The following IRX2 variants were observed in gnomAD, a reference collection of about 807,000 sequenced individuals.
IRX2 encodes the protein iroquois homeobox 2.
In IRX2, 26 loss-of-function variants were observed where a neutral mutation model predicts 42.9. The ratio of observed to expected loss-of-function variants is 0.61; its 90% CI spans 0.44 to 0.84. The LOEUF is 0.84. Ranked by LOEUF, IRX2 falls within the 40% of genes least tolerant of loss-of-function variation. The pLI is 0.00. For missense variants in IRX2, 782 were observed against 713.9 expected (o/e 1.10, Z -1.09); for synonymous variants, 424 against 353.9 (o/e 1.20, Z -2.22).
chr5:2,745,043 G>A (rs188249937), downstream of IRX2, among the ~76,000 whole-genome samples: 4 of 152,262 alleles, frequency 2.6e-5, no homozygotes, highest in African/African-American at 9.6e-5. Context: ...ATATCAACTG[G>A]TCCAGCAATT....
rs752135734 is a variant in IRX2 at position 2,748,966 on chromosome 5, G to A, written c.742C>T (p.Pro248Ser). The stretch of plus-strand genomic sequence containing the variant: ...CACTCCGAGCCCGATTCGCACAGGG[G>A]GTCCCCGGCGCGGCACGGAAGCTTC... ...GEKLPCRAGD[P>S]LCESGSECKD... is the part of the protein sequence containing the mutation. The change falls in exon 3 of 4, where the codon CCC (proline) becomes TCC (serine). Residue 248 changes from proline (P) to serine (S), a missense_variant. Around this residue, in one of 3 missense-constraint regions of IRX2, gnomAD observed 520 missense variants for 437.8 expected, o/e 1.19. Coordinates refer to ENST00000302057, the MANE Select transcript of IRX2 (RefSeq NM_033267.5). The A allele has an allele frequency of 2.9e-5, 47 of 1,597,166 alleles. No homozygotes were observed. Among genetic ancestry groups the A allele is most frequent in the Non-Finnish European group, 3.7e-5 (44 of 1,179,434 alleles).
chr5:2,735,929 G>A, the IRX2 span, among the ~76,000 whole-genome samples: 29 of 152,278 alleles, frequency 1.9e-4, no homozygotes, highest in Admixed American at 5.9e-4. Flanking sequence ...TTAAAATGAA[G>A]TAGAAATTGG....
chr5:2,749,403 C>G lies in IRX2; in HGVS notation c.634G>C (p.Glu212Gln), dbSNP rs769385689. Residue 212 changes from glutamate (E) to glutamine (Q), a missense_variant, in exon 2 of 4, where the codon GAG becomes CAG. Physicochemically the swap from Glu to Gln is conservative, Grantham distance 29. This residue lies in a region of IRX2 where 520 missense variants were observed against 437.8 expected (regional missense o/e 1.19). Coordinates refer to ENST00000302057, the MANE Select transcript of IRX2 (RefSeq NM_033267.5). The part of the protein sequence containing the change: ...ESPDKAQEGT[E>Q]TSAEDEGISL... ...TCACCTTCGTCCTCTGCCGAGGTCT[C>G]CGTGCCCTCCTGCGCCTTGTCGGGA... 16 of 1,612,644 alleles carry G rather than the reference C, an allele frequency of 9.9e-6. No homozygotes were observed. The South Asian group carries it at 1.6e-4, about 17-fold the overall frequency.
chr5:2,745,433 G>T (rs144101373), downstream of IRX2, among the ~76,000 whole-genome samples: 33 of 152,140 alleles, frequency 2.2e-4, no homozygotes, highest in Middle Eastern at 6.8e-3. Context: ...AAAGTGACAG[G>T]CTTGCTACTT....
the IRX2 span, among the ~76,000 whole-genome samples, chr5:2,739,883 T>C: frequency 1.3e-5 from 2 of 151,998 alleles, no homozygotes; most frequent in African/African-American, 4.8e-5. Context: ...AGGAACCCGA[T>C]GGGTCCCGCT....
chr5:2,741,904 A>C (rs142280571), downstream of IRX2, among the ~76,000 whole-genome samples: 651 of 152,362 alleles, frequency 4.3e-3, 5 homozygotes, highest in African/African-American at 0.015. Flanking sequence ...AACAAACAAA[A>C]AAAATTCTTC....
chr5:2,751,430 G>A lies in IRX2; in HGVS notation c.-17C>T. On this transcript the variant is annotated 5_prime_UTR_variant, in exon 1 of 4. Transcript: ENST00000302057. The surrounding 1 kb of genome is among the most constrained non-coding windows in gnomAD (Gnocchi z 4.0). ...GTAGGACATGGTGGGCGCGGGGCGC[G>A]GGGCCCGCGTCACGCCGAGCAGCGG... 1 of 1,266,140 alleles carries A rather than the reference G, an allele frequency of 7.9e-7. No homozygotes were observed. Among genetic ancestry groups the A allele is most frequent in the Non-Finnish European group, 9.9e-7 (1 of 1,005,454 alleles). The allele number at this position is 1,266,140 out of a possible 1,614,324, so 78.4% of individuals were successfully genotyped here.
the IRX2 span, among the ~76,000 whole-genome samples, chr5:2,737,579 A>G: frequency 6.6e-6 from 1 of 152,134 alleles, no homozygotes; most frequent in Non-Finnish European, 1.5e-5. Context: ...TGTCCTCTCC[A>G]CCAAGATCAC....
intron 1 of IRX2, among the ~76,000 whole-genome samples, chr5:2,750,114 C>CTT (rs1737881588): frequency 6.6e-6 from 1 of 152,132 alleles, no homozygotes; most frequent in African/African-American, 2.4e-5. Flanking sequence ...ACAGGTAGCT[C>CTT]TTTGATATCT....
chr5:2,741,169 T>A (rs1236753147), downstream of IRX2, among the ~76,000 whole-genome samples: 1 of 152,232 alleles, frequency 6.6e-6, no homozygotes, highest in Non-Finnish European at 1.5e-5. Context: ...AAGCCCACCT[T>A]TCCCCAGTAA....
chr5:2,750,971 C>A (rs1194224574), intron 1 of IRX2, among the ~76,000 whole-genome samples, 194 bp downstream of exon 1: 1 of 151,742 alleles, frequency 6.6e-6, no homozygotes, highest in Non-Finnish European at 1.5e-5. Flanking sequence ...GGGACGTCCC[C>A]GCCTGCCGCG....
rs1238620357 is a variant in IRX2 at position 2,746,235 on chromosome 5, C to G, written c.*1329G>C. 2 of 151,972 alleles carry G rather than the reference C, an allele frequency of 1.3e-5. No homozygotes were observed. The highest frequency in any genetic ancestry group is 4.8e-5 in the African/African-American group (2 of 41,364). The allele number at this position is 151,972 out of a possible 1,614,324, so 9.4% of individuals were successfully genotyped here. A position where few individuals can be genotyped will look rare whatever the true frequency, so the allele number is the denominator to read the frequency against. ...TAGTAAAGAATTCGTGTTAAACAAC[C>G]AACAAAGATTGTATAACCAGCAATG... On this transcript the variant is annotated 3_prime_UTR_variant, in exon 4 of 4. Coordinates refer to ENST00000302057, the MANE Select transcript of IRX2 (RefSeq NM_033267.5).
Position 2,749,509 on chromosome 5 carries a change from G to A in IRX2, c.528C>T (p.Asn176=). ...TGTTTCTCGGGGCCCAGGTCATCTTGTTCTCCTTCTTGAGGCGCCGGCGCG... is the reference window on the plus strand; with the variant it reads ...TGTTTCTCGGGGCCCAGGTCATCTTATTCTCCTTCTTGAGGCGCCGGCGCG... ...ANARRRLKKE[N]KMTWAPRNKS... Residue 176 remains asparagine, a synonymous_variant, in exon 2 of 4, where the codon AAC becomes AAT. Coordinates refer to ENST00000302057, the MANE Select transcript of IRX2 (RefSeq NM_033267.5). 6.2e-7 allele frequency: 1 copy of A among 1,614,188 alleles called. No homozygotes were observed. The highest frequency in any genetic ancestry group is 8.5e-7 in the Non-Finnish European group (1 of 1,180,022).
chr5:2,747,119 C>CA lies in IRX2; in HGVS notation c.*444dup, dbSNP rs1737695660. ...CCAAGTTTTGGTAGCCCAAGCTCATCAAAGCATGTGTCTATTATGTGTCTA... is the reference window on the plus strand; with the variant it reads ...CCAAGTTTTGGTAGCCCAAGCTCATCAAAAGCATGTGTCTATTATGTGTCTA... On this transcript the variant is annotated 3_prime_UTR_variant, in exon 4 of 4. Coordinates refer to ENST00000302057, the MANE Select transcript of IRX2 (RefSeq NM_033267.5). The CA allele has an allele frequency of 6.6e-6, 1 of 152,056 alleles. No individual in the cohort carries two copies. The allele number at this position is 152,056 out of a possible 1,614,324, so 9.4% of individuals were successfully genotyped here.
At chr5:2,739,981 A>C in the IRX2 span, among the ~76,000 whole-genome samples, 1 of 152,094 alleles carries the variant, frequency 6.6e-6, no homozygotes, top group African/African-American at 2.4e-5. Flanking sequence ...CGGGGCCTCC[A>C]GTGGGAGCTC....
chr5:2,748,315 C>A (rs1012583127), intron 3 of IRX2, 30 bp downstream of exon 3: 1 of 1,379,692 alleles, frequency 7.2e-7, no homozygotes, highest in Non-Finnish European at 9.3e-7. Context: ...TCCCTCCCCT[C>A]CCGGGCGCCG....
Position 2,748,886 on chromosome 5 carries a change from C to T in IRX2, c.822G>A (p.Glu274=), listed in dbSNP as rs1372870325. The T allele has an allele frequency of 6.3e-7, 1 of 1,595,588 alleles. No homozygotes were observed. The highest frequency in any genetic ancestry group is 1.1e-5 in the South Asian group (1 of 90,476). The change falls in exon 3 of 4, where the codon GAG becomes GAA. Residue 274 remains glutamate (E), a synonymous_variant. Transcript: ENST00000302057. The stretch of plus-strand genomic sequence containing the variant: ...CGGGCTTGGGCGGCGCCAGGCCCCG[C>T]TCGCCCTCCTCGTCGTCGTCCTCGT... ...EDDEDDDEEG[E]RGLAPPKPVT...
Position 2,749,061 on chromosome 5 carries a change from G to A in IRX2, c.656-9C>T. Reference sequence around the variant, plus strand: ...CACGTGCAGGCTGATCCCTGTGGGGGCGCGGGCACGGTGGGTGGCACGAGG... The same window carrying A: ...CACGTGCAGGCTGATCCCTGTGGGGACGCGGGCACGGTGGGTGGCACGAGG... On this transcript the variant is annotated splice_polypyrimidine_tract_variant and intron_variant, in intron 2 of 3. Transcript: ENST00000302057. 6.3e-7 allele frequency: 1 copy of A among 1,594,934 alleles called. No homozygotes were observed. The highest frequency in any genetic ancestry group is 8.5e-7 in the Non-Finnish European group (1 of 1,178,426).
chr5:2,740,591 C>T, the IRX2 span, among the ~76,000 whole-genome samples: 5 of 152,202 alleles, frequency 3.3e-5, no homozygotes, highest in African/African-American at 4.8e-5. Flanking sequence ...ATTGCAGCTG[C>T]TCAGGCAAAA....
Sources: allele counts gnomAD v4.1 joint callset (sites outside exome capture counted in the v4.1 genomes callset), GRCh38; gene constraint gnomAD v4.1.1; regional missense constraint gnomAD v4.1.1; non-coding constraint Gnocchi (gnomAD v3.1); transcripts MANE v1.5; gene names NCBI Gene and HGNC (gene_info 2026-07-23, HGNC 2026-07-21).